Variants in MEF2C observed in about 807,000 individuals in gnomAD.
MEF2C encodes myocyte-specific enhancer factor 2C.
A neutral mutation model predicts 50.5 loss-of-function variants in MEF2C; 6 were observed. The observed-to-expected ratio is 0.12, with a 90% CI of 0.07 to 0.23. The LOEUF is 0.23. Ranked by LOEUF, MEF2C falls within the 10% of genes least tolerant of loss-of-function variation. MEF2C has a pLI of 1.00. For missense variants in MEF2C, 276 were observed against 605.0 expected (o/e 0.46, Z 5.70); for synonymous variants, 183 against 228.0 (o/e 0.80, Z 1.78).
At chr5:88,852,565 T>G (rs940596769) in intron 1 of MEF2C, among the ~76,000 whole-genome samples, 1 of 152,224 alleles carries the variant, frequency 6.6e-6, no homozygotes, top group African/African-American at 2.4e-5. Flanking sequence ...ATGGTGCATG[T>G]GCTGCTCTTA....
intron 1 of MEF2C, among the ~76,000 whole-genome samples, chr5:88,876,253 T>C (rs191107524): frequency 6.6e-6 from 1 of 152,014 alleles, no homozygotes; most frequent in East Asian, 1.9e-4. Context: ...GACCACTATA[T>C]TCTTAAAATG....
At chr5:88,819,491 TCA>T in intron 2 of MEF2C, 1 of 528,628 alleles carries the variant, frequency 1.9e-6, no homozygotes, top group Non-Finnish European at 2.4e-6. Context: ...CTTCAGCTCC[TCA>T]GTCAAGCTCT....
At chr5:88,901,573 GTAAGATAGGAAGATAACTTGCAAA>G (rs1431403791) in intron 1 of MEF2C, among the ~76,000 whole-genome samples, 5 of 150,818 alleles carry the variant, frequency 3.3e-5, no homozygotes, top group Admixed American at 1.3e-4. Flanking sequence ...TAAGCTATCT[GTAAGATAGGAAGATAACTTGCAAA>G]TAATGTTTAA....
chr5:88,869,278 C>CATATATATAT (rs57717988), intron 1 of MEF2C, among the ~76,000 whole-genome samples: 7 of 48,608 alleles, frequency 1.4e-4, no homozygotes, highest in South Asian at 1.5e-3. Flanking sequence ...TATATATATA[C>CATATATATAT]ATATATATAT....
At chr5:88,751,799 T>C (rs558621551) in intron 5 of MEF2C, 58 bp downstream of exon 5, 2 of 1,557,058 alleles carry the variant, frequency 1.3e-6, no homozygotes, top group East Asian at 4.6e-5. Context: ...AGTGTTGGCT[T>C]TGCCGAAAAT....
At position 88,738,333 on chromosome 5, in the gene MEF2C, G is replaced by A. The variant is rs535820903; in HGVS notation, c.638-6432C>T. On this transcript the variant is annotated intron_variant, in intron 6 of 10. Coordinates refer to ENST00000504921, the MANE Select transcript of MEF2C (RefSeq NM_002397.5). The stretch of plus-strand genomic sequence containing the variant: ...TTATTTACCAACAACACAACATTAA[G>A]CATACACATTAACTGCTCAGAAGAG... 315 of 985,314 alleles carry A rather than the reference G, an allele frequency of 3.2e-4. 1 individual carries two copies. The African/African-American group carries it at 5.2e-3, about 16-fold the overall frequency. The allele number at this position is 985,314 out of a possible 1,614,324, so 61.0% of individuals were successfully genotyped here.
intron 3 of MEF2C, chr5:88,766,688 A>G (rs889965140): frequency 1.0e-6 from 1 of 984,942 alleles, no homozygotes; most frequent in Non-Finnish European, 1.2e-6. Flanking sequence ...CCCCCAAATT[A>G]CTCCTATTAA....
chr5:88,869,525 T>C (rs1828847457), intron 1 of MEF2C, among the ~76,000 whole-genome samples: 1 of 151,486 alleles, frequency 6.6e-6, no homozygotes, highest in Non-Finnish European at 1.5e-5. Context: ...TTAAATACCA[T>C]GAACTGTACA....
chr5:88,833,643 A>T (rs574879532), intron 1 of MEF2C, among the ~76,000 whole-genome samples: 2 of 152,160 alleles, frequency 1.3e-5, no homozygotes, highest in African/African-American at 4.8e-5. Context: ...GCCAATTAAC[A>T]TATGTTAGAA....
intron 3 of MEF2C, among the ~76,000 whole-genome samples, chr5:88,775,531 A>G (rs570110305): frequency 6.6e-6 from 1 of 152,378 alleles, no homozygotes; most frequent in Non-Finnish European, 1.5e-5. Flanking sequence ...ATCAAGGCCT[A>G]TATAGACTAA....
intron 3 of MEF2C, among the ~76,000 whole-genome samples, chr5:88,784,356 A>G (rs985988103): frequency 1.2e-4 from 18 of 152,356 alleles, no homozygotes; most frequent in African/African-American, 4.1e-4. Flanking sequence ...TTACTGTAAC[A>G]AAATTTTTTG....
At chr5:88,842,192 C>CTG (rs1817625211) in intron 1 of MEF2C, among the ~76,000 whole-genome samples, 1 of 152,116 alleles carries the variant, frequency 6.6e-6, no homozygotes. Context: ...TCTTTGAAAT[C>CTG]TGATCCATTA....
chr5:88,815,389 T>A (rs1366562588), intron 2 of MEF2C, among the ~76,000 whole-genome samples: 1 of 152,076 alleles, frequency 6.6e-6, no homozygotes, highest in Non-Finnish European at 1.5e-5. Context: ...GAAGGCTGTC[T>A]CCCTTATAGT....
At chr5:88,757,959 T>C (rs891290091) in intron 4 of MEF2C, among the ~76,000 whole-genome samples, 3 of 152,076 alleles carry the variant, frequency 2.0e-5, no homozygotes, top group African/African-American at 7.2e-5. Flanking sequence ...GGTCATTATA[T>C]GGTCACCTAC....
At chr5:88,831,282 A>T (rs372380730) in intron 1 of MEF2C, among the ~76,000 whole-genome samples, 1 of 152,052 alleles carries the variant, frequency 6.6e-6, no homozygotes, top group Non-Finnish European at 1.5e-5. Flanking sequence ...ATAAAACAAT[A>T]AGAGTACATT....
chr5:88,881,333 G>A (rs1832759342), intron 1 of MEF2C: 1 of 152,126 alleles, frequency 6.6e-6, no homozygotes, highest in African/African-American at 2.4e-5. Context: ...ATCAAGTTCT[G>A]AGTCTTGCTT....
At chr5:88,769,882 G>A (rs1443070253) in intron 3 of MEF2C, 5 of 832,086 alleles carry the variant, frequency 6.0e-6, no homozygotes, top group Admixed American at 1.2e-4. Context: ...TTGACCTCAT[G>A]TAATCCACCC....
intron 4 of MEF2C, 186 bp downstream of exon 4, chr5:88,760,999 G>T: frequency 6.2e-7 from 1 of 1,606,590 alleles, no homozygotes; most frequent in South Asian, 1.1e-5. Flanking sequence ...GGAATTTTAT[G>T]ACTCTTGATC....
At chr5:88,887,014 T>C (rs1183500672), upstream of MEF2C, among the ~76,000 whole-genome samples, 1 of 152,178 alleles carries the variant, frequency 6.6e-6, no homozygotes, top group Non-Finnish European at 1.5e-5. Flanking sequence ...CTTTAAAAAT[T>C]ATTTTAAAGT....
Sources: allele counts gnomAD v4.1 joint callset (sites outside exome capture counted in the v4.1 genomes callset), GRCh38; gene constraint gnomAD v4.1.1; transcripts MANE v1.5; gene names NCBI Gene and HGNC (gene_info 2026-07-23, HGNC 2026-07-21).